The following ABL1 variants were observed in gnomAD, a reference collection of about 807,000 sequenced individuals.
ABL1 encodes tyrosine-protein kinase ABL1.
A neutral mutation model predicts 94.7 loss-of-function variants in ABL1; 11 were observed. The observed-to-expected ratio is 0.12, with a 90% CI of 0.07 to 0.19. The LOEUF (loss-of-function observed/expected upper bound fraction) is 0.19, where lower values mean the gene tolerates loss of function less well. Among genes scored for constraint, ABL1 ranks in the 10% least tolerant of loss-of-function variants. The pLI is 1.00. For synonymous variants in ABL1, 656 were observed against 622.4 expected (o/e 1.05, Z -0.80); for missense variants, 1,082 against 1,489.4 (o/e 0.73, Z 4.50).
intron 1 of ABL1, among the ~76,000 whole-genome samples, chr9:130,774,751 C>T (rs1014571425): frequency 1.3e-5 from 2 of 152,124 alleles, no homozygotes; most frequent in African/African-American, 4.8e-5. Context: ...GGGGCTGAGG[C>T]TGAAGTATCT....
intron 1 of ABL1, among the ~76,000 whole-genome samples, chr9:130,735,945 A>T (rs1831731383): frequency 1.3e-5 from 1 of 78,266 alleles, no homozygotes; most frequent in East Asian, 6.7e-4. Context: ...ATATATATAT[A>T]TATATATATA....
chr9:130,735,961 A>ATTTTTTTTTTT lies in ABL1; in HGVS notation c.136+21508_136+21518dup, dbSNP rs141181174. ...TATATATATATATATATATATATAT[A>ATTTTTTTTTTT]TTTTTTTTTTTTAAGACAGGGTCTG... On this transcript the variant is annotated intron_variant, in intron 1 of 10. Transcript: ENST00000372348. Among the ~76,000 whole-genome samples, 94 of 94,834 alleles carry ATTTTTTTTTTT rather than the reference A, an allele frequency of 9.9e-4. 2 individuals are homozygous for ATTTTTTTTTTT. Among genetic ancestry groups the ATTTTTTTTTTT allele is most frequent in the African/African-American group, 5.5e-3 (86 of 15,674 alleles). 62.2% of individuals were successfully genotyped at this position (94,834 alleles called of 152,430 possible).
At position 130,863,075 on chromosome 9, in the gene ABL1, C is replaced by T. The variant is rs747858489; in HGVS notation, c.822+40C>T. The T allele has an allele frequency of 6.5e-7, 1 of 1,544,228 alleles. No homozygotes were observed. Among genetic ancestry groups the T allele is most frequent in the Admixed American group, 1.9e-5 (1 of 53,244 alleles). On this transcript the variant is annotated intron_variant, in intron 4 of 10. Coordinates refer to ENST00000318560, the MANE Select transcript of ABL1 (RefSeq NM_005157.6). This position sits in a 1 kb window ranked among gnomAD's most constrained non-coding sequence, Gnocchi z 4.3. Reference sequence around the variant, plus strand: ...CCGGGGGTGCCCAGGGTACGTGGGGCAAGGCGTCTGCTGGCATTAGGCGAT... The same window carrying T: ...CCGGGGGTGCCCAGGGTACGTGGGGTAAGGCGTCTGCTGGCATTAGGCGAT...
At chr9:130,882,516 G>A (rs1187003599) in intron 10 of ABL1, among the ~76,000 whole-genome samples, 1 of 152,108 alleles carries the variant, frequency 6.6e-6, no homozygotes, top group Non-Finnish European at 1.5e-5. Flanking sequence ...CTCACTAGCA[G>A]GAGCTTGGCA....
intron 4 of ABL1, among the ~76,000 whole-genome samples, chr9:130,867,218 G>A (rs1275802885): frequency 6.6e-6 from 1 of 152,152 alleles, no homozygotes; most frequent in African/African-American, 2.4e-5. Context: ...TCCTGAGTCC[G>A]CATATGTGAA....
chr9:130,767,207 C>T (rs1832194965), intron 1 of ABL1, among the ~76,000 whole-genome samples: 1 of 152,240 alleles, frequency 6.6e-6, no homozygotes, highest in African/African-American at 2.4e-5. Flanking sequence ...CATTTCTTTG[C>T]AGCTCATGCC....
Position 130,754,674 on chromosome 9 carries a change from T to TG in ABL1, c.136+40227dup, listed in dbSNP as rs573554324. On this transcript the variant is annotated intron_variant, in intron 1 of 10. Coordinates refer to the ABL1 transcript ENST00000372348. ...TCAGATAATGAGAGCAATCAAGTAA[T>TG]GGGGGGGGCTTGGAAGCCAGTGATT... 4.6e-4 allele frequency among the ~76,000 whole-genome samples: 48 copies of TG among 104,342 alleles called. No individual in the cohort carries two copies. The South Asian group carries it at 8.6e-3, about 19-fold the overall frequency. The allele number at this position is 104,342 out of a possible 152,430, so 68.5% of individuals were successfully genotyped here.
intron 1 of ABL1, among the ~76,000 whole-genome samples, chr9:130,847,837 C>G (rs1231522580): frequency 6.6e-6 from 1 of 152,192 alleles, no homozygotes; most frequent in Non-Finnish European, 1.5e-5. Context: ...GCATAACATT[C>G]CCAGCATCTG....
intron 1 of ABL1, among the ~76,000 whole-genome samples, chr9:130,802,554 AT>A (rs1237729187): frequency 6.6e-6 from 1 of 151,976 alleles, no homozygotes; most frequent in Non-Finnish European, 1.5e-5. Context: ...CCATTTAATT[AT>A]TTTTTGTTGT....
chr9:130,802,184 C>G (rs1386801913), intron 1 of ABL1, among the ~76,000 whole-genome samples: 1 of 149,494 alleles, frequency 6.7e-6, no homozygotes, highest in Non-Finnish European at 1.5e-5. Flanking sequence ...CTTTGGCCTC[C>G]TGGGTTTAAG....
At chr9:130,753,946 C>T (rs1028657629) in intron 1 of ABL1, among the ~76,000 whole-genome samples, 1 of 152,016 alleles carries the variant, frequency 6.6e-6, no homozygotes, top group African/African-American at 2.4e-5. Flanking sequence ...TGGCTCACGC[C>T]TGTAATCCCA....
chr9:130,884,283 G>T lies in ABL1; in HGVS notation c.1993G>T (p.Gly665Trp), dbSNP rs749748926. ...AGCCAAGTCCCCAAAGCCCAGCAAT[G>T]GGGCTGGGGTCCCCAATGGAGCCCT... Reference protein sequence around the residue: ...DPAKSPKPSNGAGVPNGALRE... With the variant: ...DPAKSPKPSNWAGVPNGALRE... The change falls in exon 11 of 11, where the codon GGG becomes TGG. Residue 665 changes from glycine to tryptophan, a missense_variant. Physicochemically the swap from Gly to Trp is radical, Grantham distance 184 (BLOSUM62 -2). Around this residue, in one of 7 missense-constraint regions of ABL1, gnomAD observed 780 missense variants for 835.8 expected, o/e 0.93. Coordinates refer to ENST00000318560, the MANE Select transcript of ABL1 (RefSeq NM_005157.6). The surrounding 1 kb of genome is among the most constrained non-coding windows in gnomAD (Gnocchi z 5.6). 6.9e-6 allele frequency: 11 copies of T among 1,600,250 alleles called. No homozygotes were observed. The South Asian group carries it at 1.0e-4, about 15-fold the overall frequency.
intron 1 of ABL1, among the ~76,000 whole-genome samples, chr9:130,749,720 G>A (rs923818656): frequency 7.2e-5 from 11 of 152,160 alleles, no homozygotes; most frequent in African/African-American, 2.7e-4. Context: ...AGGAGATCAG[G>A]ATGAGCTGAT....
chr9:130,881,011 G>A (rs1008971016), intron 10 of ABL1, among the ~76,000 whole-genome samples: 5 of 152,218 alleles, frequency 3.3e-5, no homozygotes, highest in Non-Finnish European at 7.3e-5. Context: ...TAAGCACCAG[G>A]CTGCGTGACA....
At position 130,885,011 on chromosome 9, in the gene ABL1, A is replaced by T; in HGVS notation, c.2721A>T (p.Ala907=). Residue 907 remains alanine, a synonymous_variant, in exon 11 of 11, where the codon GCA becomes GCT. Transcript: ENST00000318560. ...CGCCGCCCCCACCAGCAGCCTCTGC[A>T]GGGAAGGCTGGAGGAAAGCCCTCGC... ...PAPPPPPAAS[A]GKAGGKPSQS... 2 of 1,611,766 alleles carry T rather than the reference A, an allele frequency of 1.2e-6. No individual in the cohort carries two copies. The highest frequency in any genetic ancestry group is 1.7e-6 in the Non-Finnish European group (2 of 1,179,588).
At chr9:130,834,364 A>G (rs1830532384), upstream of ABL1, among the ~76,000 whole-genome samples, 2 of 152,040 alleles carry the variant, frequency 1.3e-5, no homozygotes, top group Non-Finnish European at 2.9e-5. Flanking sequence ...GATTTTATTG[A>G]ATTATTTGGT....
chr9:130,784,497 G>T (rs1829802190), intron 1 of ABL1, among the ~76,000 whole-genome samples: 1 of 152,094 alleles, frequency 6.6e-6, no homozygotes, highest in Non-Finnish European at 1.5e-5. Context: ...GTATCTTTTG[G>T]GTAAATTCTG....
At position 130,880,405 on chromosome 9, in the gene ABL1, A is replaced by T; in HGVS notation, c.1514-95A>T. 1.4e-6 allele frequency: 2 copies of T among 1,435,712 alleles called. No individual in the cohort carries two copies. Among genetic ancestry groups the T allele is most frequent in the Non-Finnish European group, 1.9e-6 (2 of 1,043,922 alleles). The allele number at this position is 1,435,712 out of a possible 1,614,324, so 88.9% of individuals were successfully genotyped here. On this transcript the variant is annotated intron_variant, in intron 9 of 10. Transcript: ENST00000318560. The surrounding 1 kb of genome is among the most constrained non-coding windows in gnomAD (Gnocchi z 4.4). ...TTTCTTTAGTTGTATGCAGATGAGCACTGTTACCTTACAAAGAAAGAGAAC... is the reference window on the plus strand; with the variant it reads ...TTTCTTTAGTTGTATGCAGATGAGCTCTGTTACCTTACAAAGAAAGAGAAC...
rs1177002517 is a variant in ABL1, at chr9:130,750,189, ATACATATATAT to A, written c.136+35735_136+35745del. Reference sequence around the variant, plus strand: ...GAGACCCTGACTCAAGAAAAAAAAAATACATATATATATATATATATATATATATATATATA... The same window carrying A: ...GAGACCCTGACTCAAGAAAAAAAAAAATATATATATATATATATATATATA... On this transcript the variant is annotated intron_variant, in intron 1 of 10. Transcript: ENST00000372348. 3.3e-3 allele frequency among the ~76,000 whole-genome samples: 232 copies of A among 69,782 alleles called. 2 individuals are homozygous for A. The highest frequency in any genetic ancestry group is 7.3e-3 in the Admixed American group (37 of 5,040). 45.8% of individuals were successfully genotyped at this position (69,782 alleles called of 152,430 possible). A position where few individuals can be genotyped will look rare whatever the true frequency, so the allele number is the denominator to read the frequency against.
Sources: gnomAD v4.1 joint callset for allele counts (sites outside exome capture counted in the v4.1 genomes callset) on GRCh38, gnomAD v4.1.1 for gene constraint, gnomAD v4.1.1 regional missense constraint, Gnocchi (gnomAD v3.1) non-coding constraint, MANE v1.5 for transcripts, NCBI Gene and HGNC (gene_info 2026-07-23, HGNC 2026-07-21) for gene names.